Variants in RTRAF observed in about 807,000 individuals in gnomAD.
RTRAF encodes the protein RNA transcription, translation and transport factor, also known as tRNA-splicing ligase complex subunit RTRAF.
RTRAF carries 14 observed loss-of-function variants against 34.4 expected under a neutral mutation model. That is an observed-to-expected ratio of 0.41 (90% CI 0.27 to 0.64). The LOEUF (loss-of-function observed/expected upper bound fraction) is 0.64. Among genes scored for constraint, RTRAF ranks in the 30% least tolerant of loss-of-function variants. The pLI is 0.34. For missense variants in RTRAF, 291 were observed against 288.4 expected (o/e 1.01, Z -0.06); for synonymous variants, 96 against 95.3 (o/e 1.01, Z -0.04).
In RTRAF at chr14:51,997,220, A is replaced by C. The variant is rs531484689; in HGVS notation, c.287-1274A>C. Among the ~76,000 whole-genome samples the C allele has an allele frequency of 1.7e-3, 265 of 152,030 alleles. 2 individuals carry two copies. Among genetic ancestry groups the C allele is most frequent in the Admixed American group, 5.7e-3 (87 of 15,256 alleles). ...TTTTGCGCCTCAAGTTTCCCCCACT[A>C]GTTTTAGCAACCATATGATGATTCT... On this transcript the variant is annotated intron_variant, in intron 3 of 7. Coordinates refer to ENST00000261700, the MANE Select transcript of RTRAF (RefSeq NM_016039.3).
rs985489349 is a variant in RTRAF, at chr14:52,007,372, A to G, written c.*2856A>G. The stretch of plus-strand genomic sequence containing the variant: ...TTTTTCAGTTGTGCTGATAAAAGCA[A>G]ACAAATGTAGGTTGCTAATACCCAT... On this transcript the variant is annotated 3_prime_UTR_variant, in exon 8 of 8. Coordinates refer to ENST00000261700, the MANE Select transcript of RTRAF (RefSeq NM_016039.3). 24 of 182,910 alleles carry G rather than the reference A, an allele frequency of 1.3e-4. No individual in the cohort carries two copies. Among genetic ancestry groups the G allele is most frequent in the African/African-American group, 5.8e-4 (24 of 41,728 alleles). The allele number at this position is 182,910 out of a possible 1,614,324, so 11.3% of individuals were successfully genotyped here.
intron 4 of RTRAF, 21 bp downstream of exon 4, chr14:51,998,601 C>T (rs771068057): frequency 6.9e-7 from 1 of 1,443,008 alleles, no homozygotes; most frequent in South Asian, 1.3e-5. Flanking sequence ...AAATGCATAA[C>T]ATTGAACATC....
chr14:52,005,962 T>C lies in RTRAF; in HGVS notation c.*1446T>C, dbSNP rs1323907925. On this transcript the variant is annotated 3_prime_UTR_variant, in exon 8 of 8. Transcript: ENST00000261700. ...GGAAAATTTCTGGCAGCCTTCTCTG[T>C]CCCAGGGCTGGTGCTAAAGCCATAC... is the stretch of plus-strand genomic sequence containing the variant. 1.4e-6 allele frequency: 1 copy of C among 731,874 alleles called. No homozygotes were observed. The highest frequency in any genetic ancestry group is 2.4e-6 in the Non-Finnish European group (1 of 415,864). The allele number at this position is 731,874 out of a possible 1,614,324, so 45.3% of individuals were successfully genotyped here.
chr14:52,003,131 G>A (rs1356578532), intron 6 of RTRAF, among the ~76,000 whole-genome samples: 2 of 152,030 alleles, frequency 1.3e-5, no homozygotes, highest in East Asian at 3.9e-4. Context: ...TTTTAATTTT[G>A]GTGTCATCTC....
At chr14:51,991,538 A>T (rs1890434805) in intron 2 of RTRAF, 97 bp downstream of exon 2, 1 of 1,386,932 alleles carries the variant, frequency 7.2e-7, no homozygotes, top group Non-Finnish European at 9.9e-7. Flanking sequence ...GAAAAAAATG[A>T]TAATGATCAG....
At chr14:52,003,353 C>G (rs756814569) in intron 6 of RTRAF, among the ~76,000 whole-genome samples, 1 of 152,106 alleles carries the variant, frequency 6.6e-6, no homozygotes, top group Non-Finnish European at 1.5e-5. Flanking sequence ...CTTGTGCTTT[C>G]GTACCCATTG....
intron 2 of RTRAF, among the ~76,000 whole-genome samples, chr14:51,992,695 C>T (rs1173404163): frequency 1.3e-5 from 2 of 152,086 alleles, no homozygotes; most frequent in Admixed American, 6.5e-5. Context: ...GTGTACAAGA[C>T]AGTACAGAAT....
In RTRAF at chr14:52,004,182, CTTTT is replaced by C. The variant is rs746758369; in HGVS notation, c.532-8_532-5del. The C allele has an allele frequency of 6.2e-7, 1 of 1,606,752 alleles. No individual in the cohort carries two copies. The highest frequency in any genetic ancestry group is 1.3e-5 in the African/African-American group (1 of 74,638). On this transcript the variant is annotated splice_region_variant and splice_polypyrimidine_tract_variant and intron_variant, in intron 6 of 7. Transcript: ENST00000261700. Reference sequence around the variant, plus strand: ...CCATAAATACTCTCATTTTGTCTTTCTTTTTTTAAAGGGCTTACCTGTTGCTTTA... The same window carrying C: ...CCATAAATACTCTCATTTTGTCTTTCTTTAAAGGGCTTACCTGTTGCTTTA...
chr14:52,005,640 G>T lies in RTRAF; in HGVS notation c.*1124G>T. ...GCCCTCAGGGCAGGAAGAAGGCAAT[G>T]GTGGCAGTGTCACAGGCAGCAGGGG... On this transcript the variant is annotated 3_prime_UTR_variant, in exon 8 of 8. Coordinates refer to ENST00000261700, the MANE Select transcript of RTRAF (RefSeq NM_016039.3). 2 of 1,360,500 alleles carry T rather than the reference G, an allele frequency of 1.5e-6. No homozygotes were observed. Among genetic ancestry groups the T allele is most frequent in the Non-Finnish European group, 2.1e-6 (2 of 952,694 alleles). 84.3% of individuals were successfully genotyped at this position (1,360,500 alleles called of 1,614,324 possible). A position where few individuals can be genotyped will look rare whatever the true frequency, so the allele number is the denominator to read the frequency against.
chr14:52,005,841 A>C lies in RTRAF; in HGVS notation c.*1325A>C. 1.2e-6 allele frequency: 2 copies of C among 1,607,480 alleles called. No individual in the cohort carries two copies. Among genetic ancestry groups the C allele is most frequent in the Non-Finnish European group, 1.7e-6 (2 of 1,174,000 alleles). ...GCCACTATGTTTATTTACTGATACA[A>C]CACCATCCCTGGTAACAGAAAGGAA... On this transcript the variant is annotated 3_prime_UTR_variant, in exon 8 of 8. Coordinates refer to ENST00000261700, the MANE Select transcript of RTRAF (RefSeq NM_016039.3).
In RTRAF at chr14:52,004,381, T is replaced by C. The variant is rs759680100; in HGVS notation, c.600T>C (p.Ala200=). 2 of 1,613,746 alleles carry C rather than the reference T, an allele frequency of 1.2e-6. No homozygotes were observed. The highest frequency in any genetic ancestry group is 1.1e-5 in the South Asian group (1 of 90,972). Residue 200 remains alanine, a synonymous_variant, in exon 8 of 8, where the codon GCT becomes GCC. Coordinates refer to ENST00000261700, the MANE Select transcript of RTRAF (RefSeq NM_016039.3). Reference sequence around the variant, plus strand: ...AAACAGATGCAGTTCTTAATGAAGCTGCTCAAATTCTGCGATTGCTGCACA... The same window carrying C: ...AAACAGATGCAGTTCTTAATGAAGCCGCTCAAATTCTGCGATTGCTGCACA... ...FDTGDAVLNE[A]AQILRLLHIE...
intron 5 of RTRAF, among the ~76,000 whole-genome samples, chr14:52,000,875 G>A (rs918043773): frequency 3.9e-4 from 60 of 152,166 alleles, no homozygotes; most frequent in African/African-American, 1.4e-3. Context: ...TATTTGGGAT[G>A]CTTTTGTTAG....
chr14:52,003,941 C>CA (rs1251263365), intron 6 of RTRAF: 4 of 481,050 alleles, frequency 8.3e-6, no homozygotes, highest in African/African-American at 7.9e-5. Context: ...TATGCCTGGG[C>CA]TAAAGGATTG....
At chr14:52,000,572 T>A (rs905192783) in intron 5 of RTRAF, among the ~76,000 whole-genome samples, 3 of 152,206 alleles carry the variant, frequency 2.0e-5, no homozygotes, top group African/African-American at 7.2e-5. Flanking sequence ...CCAGAAGAGA[T>A]TAAGCCATAA....
At chr14:51,993,291 T>A (rs886228173) in intron 2 of RTRAF, among the ~76,000 whole-genome samples, 1 of 152,194 alleles carries the variant, frequency 6.6e-6, no homozygotes, top group Admixed American at 6.5e-5. Context: ...TACATGTATG[T>A]TACATGGCTA....
chr14:52,001,215 T>A (rs1396584436), intron 5 of RTRAF, among the ~76,000 whole-genome samples: 1 of 151,826 alleles, frequency 6.6e-6, no homozygotes, highest in African/African-American at 2.4e-5. Flanking sequence ...TAATTAAAAT[T>A]CCATTTTTTT....
rs1890390083 is a variant in RTRAF at position 51,989,575 on chromosome 14, C to A, written c.-65C>A. 4.6e-6 allele frequency: 7 copies of A among 1,524,212 alleles called. No homozygotes were observed. Among genetic ancestry groups the A allele is most frequent in the Non-Finnish European group, 6.2e-6 (7 of 1,128,482 alleles). The allele number at this position is 1,524,212 out of a possible 1,614,324, so 94.4% of individuals were successfully genotyped here. Reference sequence around the variant, plus strand: ...CGCCGCGTCGCCGGTGCCTGCGCCTCCCGCTCCACCTCGCTTCTTCTCTCC... The same window carrying A: ...CGCCGCGTCGCCGGTGCCTGCGCCTACCGCTCCACCTCGCTTCTTCTCTCC... On this transcript the variant is annotated 5_prime_UTR_variant, in exon 1 of 8. Coordinates refer to ENST00000261700, the MANE Select transcript of RTRAF (RefSeq NM_016039.3).
intron 6 of RTRAF, among the ~76,000 whole-genome samples, chr14:52,002,850 C>T (rs1160110369): frequency 6.6e-6 from 1 of 152,200 alleles, no homozygotes; most frequent in African/African-American, 2.4e-5. Flanking sequence ...AATGCCAGGG[C>T]AGTATCTCTG....
In RTRAF at chr14:52,004,909, T is replaced by TA. The variant is rs1890696852; in HGVS notation, c.*394dup. ...ACTTTACTTTCTGTGGGTACTTCTATAGAGGCACTACAGGATCAGAAAATG... is the reference window on the plus strand; with the variant it reads ...ACTTTACTTTCTGTGGGTACTTCTATAAGAGGCACTACAGGATCAGAAAATG... On this transcript the variant is annotated 3_prime_UTR_variant, in exon 8 of 8. Transcript: ENST00000261700. 6.2e-6 allele frequency: 1 copy of TA among 162,192 alleles called. No homozygotes were observed. Among genetic ancestry groups the TA allele is most frequent in the African/African-American group, 2.4e-5 (1 of 41,774 alleles). The allele number at this position is 162,192 out of a possible 1,614,324, so 10.0% of individuals were successfully genotyped here.
Sources: gnomAD v4.1 joint callset for allele counts (sites outside exome capture counted in the v4.1 genomes callset) on GRCh38, gnomAD v4.1.1 for gene constraint, MANE v1.5 for transcripts, NCBI Gene and HGNC (gene_info 2026-07-23, HGNC 2026-07-21) for gene names.